The following DCC variants were observed in gnomAD, a reference collection of about 807,000 sequenced individuals.
DCC encodes netrin receptor DCC.
A neutral mutation model predicts 172.5 loss-of-function variants in DCC; 58 were observed. The ratio of observed to expected loss-of-function variants is 0.34; its 90% CI spans 0.27 to 0.42. The LOEUF is 0.42. Among genes scored for constraint, DCC ranks in the 10% least tolerant of loss-of-function variants. The probability of loss-of-function intolerance (pLI) is 1.00; values close to 1 mark genes in which losing one functional copy is unlikely to be tolerated. For missense variants in DCC, 1,740 were observed against 1,791.0 expected (o/e 0.97, Z 0.51); for synonymous variants, 709 against 644.5 (o/e 1.10, Z -1.52).
chr18:52,827,855 C>A (rs2038539904), intron 2 of DCC, among the ~76,000 whole-genome samples: 1 of 152,216 alleles, frequency 6.6e-6, no homozygotes, highest in Admixed American at 6.5e-5. Context: ...ACACAAGTCC[C>A]AGTGGGGCTG....
At chr18:53,387,067 A>G (rs1477326166) in intron 16 of DCC, among the ~76,000 whole-genome samples, 1 of 152,202 alleles carries the variant, frequency 6.6e-6, no homozygotes, top group Admixed American at 6.5e-5. Context: ...TAACGAAAAC[A>G]GAGGATCTGA....
chr18:53,228,091 T>C (rs545033807), intron 12 of DCC, among the ~76,000 whole-genome samples: 13 of 152,280 alleles, frequency 8.5e-5, no homozygotes, highest in African/African-American at 3.1e-4. Flanking sequence ...AGTATCAACA[T>C]GTATTTCTCT....
intron 15 of DCC, among the ~76,000 whole-genome samples, chr18:53,346,571 G>A (rs529874851): frequency 9.9e-4 from 151 of 151,934 alleles, no homozygotes; most frequent in African/African-American, 3.3e-3. Context: ...TCATTGTTAG[G>A]CTCATATGGT....
chr18:53,330,679 G>A (rs906048388), intron 14 of DCC, among the ~76,000 whole-genome samples: 16 of 152,162 alleles, frequency 1.1e-4, no homozygotes, highest in Non-Finnish European at 4.4e-5. Context: ...CTGCCCTCCA[G>A]GTTCACTTCC....
At chr18:53,324,164 T>A (rs1232981218) in intron 14 of DCC, among the ~76,000 whole-genome samples, 14 of 152,056 alleles carry the variant, frequency 9.2e-5, no homozygotes, top group Non-Finnish European at 2.9e-5. Context: ...ACCCTAGAGG[T>A]AATATAGGAG....
chr18:52,737,329 C>T (rs1333171286), intron 1 of DCC, among the ~76,000 whole-genome samples: 1 of 152,116 alleles, frequency 6.6e-6, no homozygotes, highest in African/African-American at 2.4e-5. Flanking sequence ...TGCAGGACTT[C>T]CAGTTACCCA....
intron 12 of DCC, among the ~76,000 whole-genome samples, chr18:53,241,260 T>C (rs924501703): frequency 6.6e-6 from 1 of 152,128 alleles, no homozygotes; most frequent in Admixed American, 6.6e-5. Context: ...CTGATCTGCT[T>C]CAGGTCAGAG....
At chr18:52,751,631 T>C (rs1037655166) in intron 1 of DCC, among the ~76,000 whole-genome samples, 3 of 152,162 alleles carry the variant, frequency 2.0e-5, no homozygotes, top group Non-Finnish European at 2.9e-5. Context: ...TTTTAAAAAT[T>C]TCAATGGATG....
intron 1 of DCC, among the ~76,000 whole-genome samples, chr18:52,644,805 AAGGAAGGGAGGG>A (rs1457887573): frequency 1.7e-5 from 2 of 114,824 alleles, no homozygotes; most frequent in Admixed American, 9.4e-5. Flanking sequence ...AGAAGGAAGG[AAGGAAGGGAGGG>A]AGGGAGGGAG....
chr18:52,730,183 C>T (rs1433589700), intron 1 of DCC, among the ~76,000 whole-genome samples: 1 of 152,144 alleles, frequency 6.6e-6, no homozygotes, highest in Non-Finnish European at 1.5e-5. Flanking sequence ...GCCCCTCCCA[C>T]ACCAGAGAAC....
At chr18:53,137,617 C>T (rs1238936627) in intron 7 of DCC, among the ~76,000 whole-genome samples, 1 of 152,164 alleles carries the variant, frequency 6.6e-6, no homozygotes, top group Non-Finnish European at 1.5e-5. Flanking sequence ...AGAAATCCAA[C>T]TGTACCCAGT....
At chr18:52,722,983 A>G (rs1008097610) in intron 1 of DCC, among the ~76,000 whole-genome samples, 3 of 152,122 alleles carry the variant, frequency 2.0e-5, no homozygotes, top group Non-Finnish European at 2.9e-5. Flanking sequence ...TAGGTATGCA[A>G]CTCTAGGTAA....
chr18:53,079,542 G>A (rs1227654268), intron 7 of DCC, among the ~76,000 whole-genome samples: 15 of 152,120 alleles, frequency 9.9e-5, no homozygotes, highest in African/African-American at 3.6e-4. Flanking sequence ...TCTACTTTCT[G>A]AATGCACGTG....
chr18:53,179,955 G>A (rs1000302691), intron 9 of DCC, among the ~76,000 whole-genome samples: 1 of 151,976 alleles, frequency 6.6e-6, no homozygotes, highest in African/African-American at 2.4e-5. Flanking sequence ...AACTGTACCT[G>A]TTTCCTTTTT....
intron 2 of DCC, among the ~76,000 whole-genome samples, chr18:52,880,201 G>T (rs1214730296): frequency 6.6e-6 from 1 of 151,780 alleles, no homozygotes; most frequent in African/African-American, 2.4e-5. Flanking sequence ...GTGCATTTCA[G>T]CTTCAGCTCA....
intron 7 of DCC, among the ~76,000 whole-genome samples, chr18:53,123,683 T>C (rs1291732302): frequency 6.6e-6 from 1 of 152,102 alleles, no homozygotes; most frequent in Non-Finnish European, 1.5e-5. Context: ...ATTTTTCCTT[T>C]GGTTTTTCTT....
At chr18:52,526,492 C>T (rs1420106175) in intron 1 of DCC, among the ~76,000 whole-genome samples, 2 of 151,172 alleles carry the variant, frequency 1.3e-5, no homozygotes, top group African/African-American at 2.4e-5. Context: ...TTTCTGAGGG[C>T]CACGAAATGG....
chr18:52,376,221 T>C (rs750177218), intron 1 of DCC, among the ~76,000 whole-genome samples: 29 of 152,178 alleles, frequency 1.9e-4, no homozygotes, highest in Non-Finnish European at 4.1e-4. Flanking sequence ...AGGTCCTCAA[T>C]TGGAGGAACA....
Position 52,847,873 on chromosome 18 carries a change from T to C in DCC, c.413-58171T>C, listed in dbSNP as rs1012156332. Among the ~76,000 whole-genome samples the C allele has an allele frequency of 2.6e-5, 4 of 152,292 alleles. No individual in the cohort carries two copies. The East Asian group carries it at 7.7e-4, about 29-fold the overall frequency. On this transcript the variant is annotated intron_variant, in intron 2 of 28. Transcript: ENST00000442544. ...CTTTGAGTAGGTCACTTACCATTTCTCTCATCTGTAAAATATGAGTAGGAT... is the reference window on the plus strand; with the variant it reads ...CTTTGAGTAGGTCACTTACCATTTCCCTCATCTGTAAAATATGAGTAGGAT...
Sources: allele counts gnomAD v4.1 joint callset (sites outside exome capture counted in the v4.1 genomes callset), GRCh38; gene constraint gnomAD v4.1.1; transcripts MANE v1.5; gene names NCBI Gene and HGNC (gene_info 2026-07-23, HGNC 2026-07-21).